The following TLN2 variants were observed in gnomAD, a reference collection of about 807,000 sequenced individuals.
TLN2 encodes the protein talin 2, also known as talin-2.
Under a neutral mutation model 294.7 loss-of-function variants are expected in TLN2, and 118 were observed. The observed-to-expected ratio is 0.40, with a 90% CI of 0.34 to 0.47. The LOEUF (loss-of-function observed/expected upper bound fraction) is 0.47, where lower values mean the gene tolerates loss of function less well. TLN2 is among the 20% of genes least tolerant of loss of function. The probability of loss-of-function intolerance (pLI) is 0.84; values close to 1 mark genes in which losing one functional copy is unlikely to be tolerated. For missense variants in TLN2, 3,083 were observed against 3,282.2 expected, an observed-to-expected ratio of 0.94 and a Z score of 1.48; for synonymous variants, 1,431 against 1,304.5, an observed-to-expected ratio of 1.10 and a Z score of -2.09.
chr15:62,698,681 C>A, intron 15 of TLN2, 73 bp from the exon 16 acceptor site: 1 of 1,302,472 alleles, frequency 7.7e-7, no homozygotes, highest in Admixed American at 1.7e-5. Flanking sequence ...TTCTGTTTTG[C>A]TTTGTTTTGC....
intron 1 of TLN2, among the ~76,000 whole-genome samples, chr15:62,523,863 A>G (rs2040593221): frequency 6.6e-6 from 1 of 152,268 alleles, no homozygotes; most frequent in African/African-American, 2.4e-5. Flanking sequence ...TAAATTGCAC[A>G]GTGCTGTATG....
rs756620893 is a variant in TLN2, at chr15:62,810,052, A to AG, written c.6771+23dup. 4 of 1,591,938 alleles carry AG rather than the reference A, an allele frequency of 2.5e-6. No individual in the cohort carries two copies. The highest frequency in any genetic ancestry group is 3.4e-6 in the Non-Finnish European group (4 of 1,160,138). On this transcript the variant is annotated intron_variant, in intron 52 of 58. Transcript: ENST00000636159. The stretch of plus-strand genomic sequence containing the variant: ...TTGGTGGTAAGAAAGCGCATGAGTC[A>AG]GGGCTGGGGAGTAGCTGTGTCCCTC...
chr15:62,734,592 G>C (rs2060905420), intron 28 of TLN2, among the ~76,000 whole-genome samples: 1 of 152,200 alleles, frequency 6.6e-6, no homozygotes, highest in African/African-American at 2.4e-5. Flanking sequence ...CTTCACCTTA[G>C]CTTTGTTCAC....
intron 1 of TLN2, among the ~76,000 whole-genome samples, chr15:62,455,320 C>T (rs1453498618): frequency 6.6e-6 from 1 of 151,964 alleles, no homozygotes; most frequent in Non-Finnish European, 1.5e-5. Flanking sequence ...TGGAGGTGCA[C>T]TTCAGCCGCG....
At chr15:62,424,365 G>A (rs2034584035) in intron 1 of TLN2, among the ~76,000 whole-genome samples, 1 of 152,174 alleles carries the variant, frequency 6.6e-6, no homozygotes, top group Non-Finnish European at 1.5e-5. Flanking sequence ...AATGAGACGC[G>A]GAGTGGTGAA....
intron 1 of TLN2, among the ~76,000 whole-genome samples, chr15:62,419,215 T>TAGATATATTGAGTTAAATAAA (rs2034251626): frequency 6.6e-6 from 1 of 152,242 alleles, no homozygotes; most frequent in Non-Finnish European, 1.5e-5. Context: ...GATAATATTT[T>TAGATATATTGAGTTAAATAAA]AGATATATTG....
At chr15:62,447,961 T>A (rs1211836354) in intron 1 of TLN2, among the ~76,000 whole-genome samples, 1 of 152,222 alleles carries the variant, frequency 6.6e-6, no homozygotes, top group African/African-American at 2.4e-5. Context: ...AGAACTTGGC[T>A]ATTCCTCACT....
chr15:62,473,831 C>A (rs747860950), intron 1 of TLN2, among the ~76,000 whole-genome samples: 1 of 152,208 alleles, frequency 6.6e-6, no homozygotes, highest in Non-Finnish European at 1.5e-5. Flanking sequence ...TGGTGGCTCA[C>A]GCCTGTAATC....
chr15:62,685,583 T>C (rs1202859102), intron 11 of TLN2, among the ~76,000 whole-genome samples: 3 of 152,238 alleles, frequency 2.0e-5, no homozygotes, highest in Admixed American at 6.5e-5. Flanking sequence ...TTTGCTATCT[T>C]AAGCTTTCAT....
At chr15:62,544,743 T>TC (rs1044762564) in intron 1 of TLN2, among the ~76,000 whole-genome samples, 10 of 151,540 alleles carry the variant, frequency 6.6e-5, no homozygotes, top group African/African-American at 7.3e-5. Context: ...TTTTTTTTCT[T>TC]CCCCCCCTCT....
At chr15:62,573,340 C>G (rs548958303) in intron 1 of TLN2, among the ~76,000 whole-genome samples, 2 of 152,188 alleles carry the variant, frequency 1.3e-5, no homozygotes, top group East Asian at 3.9e-4. Context: ...TGTTGTGCCC[C>G]CCTCTGCCCT....
chr15:62,447,288 A>G (rs1388688302), intron 1 of TLN2, among the ~76,000 whole-genome samples: 1 of 151,972 alleles, frequency 6.6e-6, no homozygotes, highest in Non-Finnish European at 1.5e-5. Context: ...TTCGACCTGG[A>G]TGGCCAAGGA....
In TLN2 at chr15:62,429,211, A is replaced by G. The variant is rs549479193; in HGVS notation, c.-238+38526A>G. Reference sequence around the variant, plus strand: ...TGATGGTACTGTTTCAGGAAGGAGGAGGAGAAGATGCCTGGTAGCAAACTG... The same window carrying G: ...TGATGGTACTGTTTCAGGAAGGAGGGGGAGAAGATGCCTGGTAGCAAACTG... On this transcript the variant is annotated intron_variant, in intron 1 of 58. Transcript: ENST00000636159. 2.6e-4 allele frequency among the ~76,000 whole-genome samples: 39 copies of G among 151,816 alleles called. 2 individuals are homozygous for G. In the South Asian group the frequency reaches 3.8e-3, roughly 15 times the overall value.
At chr15:62,461,968 G>T (rs1035886699) in intron 1 of TLN2, among the ~76,000 whole-genome samples, 2 of 152,232 alleles carry the variant, frequency 1.3e-5, no homozygotes, top group Non-Finnish European at 2.9e-5. Flanking sequence ...TGGGCGTGGT[G>T]GCTCACGCCT....
intron 1 of TLN2, among the ~76,000 whole-genome samples, chr15:62,448,722 T>G (rs1417344242): frequency 6.6e-6 from 1 of 152,216 alleles, no homozygotes; most frequent in Non-Finnish European, 1.5e-5. Flanking sequence ...GGAATAGTAA[T>G]TCACAGAGCG....
chr15:62,775,912 C>G (rs1021948731), intron 42 of TLN2, among the ~76,000 whole-genome samples: 1 of 152,222 alleles, frequency 6.6e-6, no homozygotes, highest in African/African-American at 2.4e-5. Flanking sequence ...GCGCCTGCAG[C>G]CATATCATCC....
intron 22 of TLN2, among the ~76,000 whole-genome samples, chr15:62,713,951 A>G (rs76007730): frequency 0.025 from 3,216 of 127,958 alleles, 146 homozygotes; most frequent in African/African-American, 0.078. Context: ...GTATGTATGT[A>G]TTGGGTTTTA....
intron 47 of TLN2, 115 bp from the exon 48 acceptor site, chr15:62,797,104 T>A (rs1348727927): frequency 1.4e-5 from 16 of 1,157,044 alleles, no homozygotes; most frequent in Non-Finnish European, 2.0e-5. Flanking sequence ...ACAGCACTTC[T>A]CTTCTTCAAA....
intron 2 of TLN2, among the ~76,000 whole-genome samples, chr15:62,616,516 C>T (rs950943591): frequency 1.3e-5 from 2 of 152,196 alleles, no homozygotes; most frequent in Admixed American, 6.5e-5. Flanking sequence ...GCAGCCTCAA[C>T]CTCCTCGCCT....
Sources: allele counts gnomAD v4.1 joint callset (sites outside exome capture counted in the v4.1 genomes callset), GRCh38; gene constraint gnomAD v4.1.1; transcripts MANE v1.5; gene names NCBI Gene and HGNC (gene_info 2026-07-23, HGNC 2026-07-21).